The following PER2 variants were observed in gnomAD, a reference collection of about 807,000 sequenced individuals.
PER2 encodes the protein period circadian regulator 2.
In PER2, 66 loss-of-function variants were observed where a neutral mutation model predicts 121.0. That is an observed-to-expected ratio of 0.55 (90% CI 0.45 to 0.67). PER2 has a LOEUF of 0.67. Ranked by LOEUF, PER2 falls within the 30% of genes least tolerant of loss-of-function variation. The pLI is 0.00. For missense variants in PER2, 1,521 were observed against 1,635.0 expected, an observed-to-expected ratio of 0.93 and a Z score of 1.20; for synonymous variants, 684 against 659.9, an observed-to-expected ratio of 1.04 and a Z score of -0.56.
At chr2:238,278,187 A>G (rs1015668332) in intron 1 of PER2, among the ~76,000 whole-genome samples, 1 of 151,998 alleles carries the variant, frequency 6.6e-6, no homozygotes, top group Non-Finnish European at 1.5e-5. Flanking sequence ...CTCCCACCTC[A>G]GCCTCCAGGG....
chr2:238,279,373 G>A (rs145823757), intron 1 of PER2, among the ~76,000 whole-genome samples: 5 of 152,312 alleles, frequency 3.3e-5, no homozygotes, highest in Non-Finnish European at 5.9e-5. Flanking sequence ...GCAGGAGATC[G>A]TTCTACGGAG....
chr2:238,252,860 A>C lies in PER2; in HGVS notation c.3111+52T>G. On this transcript the variant is annotated intron_variant, in intron 19 of 22. Transcript: ENST00000254657. The surrounding 1 kb of genome is among the most constrained non-coding windows in gnomAD (Gnocchi z 4.2). ...ACTGAGGATGTGCGGCCGGCCTGCC[A>C]GGTGTGCTGTTTGCTGCCTGCTTTG... is the stretch of plus-strand genomic sequence containing the variant. 1 of 1,492,264 alleles carries C rather than the reference A, an allele frequency of 6.7e-7. No individual in the cohort carries two copies. The allele number at this position is 1,492,264 out of a possible 1,614,324, so 92.4% of individuals were successfully genotyped here. A position where few individuals can be genotyped will look rare whatever the true frequency, so the allele number is the denominator to read the frequency against.
chr2:238,290,883 A>G (rs1696939605), upstream of PER2, among the ~76,000 whole-genome samples: 1 of 152,200 alleles, frequency 6.6e-6, no homozygotes. Flanking sequence ...CCTCCATCCC[A>G]GCTCCAACAG....
At position 238,262,909 on chromosome 2, in the gene PER2, T is replaced by A. The variant is rs1695978843; in HGVS notation, c.1153+43A>T. 2.9e-6 allele frequency: 4 copies of A among 1,367,352 alleles called. No homozygotes were observed. The East Asian group carries it at 9.2e-5, about 31-fold the overall frequency. 84.7% of individuals were successfully genotyped at this position (1,367,352 alleles called of 1,614,324 possible). ...GAAGCAGCCCCAAGGACACAGGAAC[T>A]TCCGCCAAACACTTCAGGATGTACC... On this transcript the variant is annotated intron_variant, in intron 10 of 22. Transcript: ENST00000254657.
Position 238,275,184 on chromosome 2 carries a change from C to T in PER2, c.448+559G>A, listed in dbSNP as rs1168480009. ...TTTTTAATGTACAAGATCCACCAGC[C>T]CCTTAGTGCATGTGCGCAACACATG... On this transcript the variant is annotated intron_variant, in intron 4 of 22. Transcript: ENST00000254657. 2.0e-5 allele frequency among the ~76,000 whole-genome samples: 3 copies of T among 152,258 alleles called. No individual in the cohort carries two copies. The South Asian group carries it at 6.2e-4, about 32-fold the overall frequency.
rs1217251884 is a variant in PER2, at chr2:238,255,676, C to T, written c.2301G>A (p.Lys767=). Residue 767 remains lysine, a synonymous_variant, in exon 18 of 23, where the codon AAG becomes AAA. Transcript: ENST00000254657. ...ACTTACTTCGTTCACTTGGCTGCCC[C>T]TTGGATCTTTCTTGCAAGTAGTAAT... The part of the protein sequence containing the change: ...HCHYYLQERS[K]GQPSERTAPG... The T allele has an allele frequency of 6.2e-7, 1 of 1,614,242 alleles. No individual in the cohort carries two copies. The highest frequency in any genetic ancestry group is 1.1e-5 in the South Asian group (1 of 91,088).
intron 4 of PER2, among the ~76,000 whole-genome samples, chr2:238,274,729 G>C (rs879393104): frequency 2.3e-4 from 35 of 152,324 alleles, no homozygotes; most frequent in Non-Finnish European, 4.6e-4. Flanking sequence ...GCTCATCCCA[G>C]GGGCACCGGA....
At chr2:238,254,367 T>A (rs1695698669) in intron 18 of PER2, 1 of 154,476 alleles carries the variant, frequency 6.5e-6, no homozygotes, top group Non-Finnish European at 1.4e-5. Flanking sequence ...GAACTTTGGT[T>A]TTCCTCTCAC....
chr2:238,261,892 G>A, intron 11 of PER2, 55 bp from the exon 12 acceptor site: 1 of 1,254,708 alleles, frequency 8.0e-7, no homozygotes, highest in Non-Finnish European at 1.1e-6. Context: ...GACCTCTCTG[G>A]CGTGACTGTA....
intron 9 of PER2, among the ~76,000 whole-genome samples, chr2:238,263,670 C>T (rs1266795258): frequency 1.3e-5 from 2 of 152,088 alleles, no homozygotes; most frequent in East Asian, 3.9e-4. Flanking sequence ...TCTGCCGGCT[C>T]CACCGACCAT....
At chr2:238,281,389 T>C (rs996167196) in intron 1 of PER2, among the ~76,000 whole-genome samples, 8 of 152,320 alleles carry the variant, frequency 5.3e-5, no homozygotes, top group African/African-American at 1.2e-4. Flanking sequence ...GTGGGTTACA[T>C]AGCTGGTTTT....
chr2:238,260,248 C>T (rs900437263), intron 13 of PER2, among the ~76,000 whole-genome samples, 195 bp from the exon 14 acceptor site: 11 of 151,642 alleles, frequency 7.3e-5, no homozygotes, highest in African/African-American at 2.4e-4. Flanking sequence ...TAAAGCAAAA[C>T]GGCACATTAC....
intron 9 of PER2, 95 bp downstream of exon 9, chr2:238,265,417 A>T: frequency 1.3e-6 from 1 of 781,600 alleles, no homozygotes; most frequent in East Asian, 2.5e-5. Context: ...TTTGTCCATT[A>T]TCATGTAATT....
chr2:238,256,875 T>C, intron 17 of PER2, 47 bp downstream of exon 17: 3 of 1,584,002 alleles, frequency 1.9e-6, no homozygotes, highest in Non-Finnish European at 2.6e-6. Flanking sequence ...CTTGTTTTCA[T>C]GGTTAAAAAT....
intron 20 of PER2, 55 bp downstream of exon 20, chr2:238,251,544 A>G (rs1476050464): frequency 6.6e-7 from 1 of 1,504,524 alleles, no homozygotes; most frequent in Non-Finnish European, 9.2e-7. Context: ...ACTCTGGAGC[A>G]GTGCATCCTG....
chr2:238,298,167 T>C, the PER2 span, among the ~76,000 whole-genome samples: 2 of 151,938 alleles, frequency 1.3e-5, no homozygotes, highest in East Asian at 3.9e-4. Flanking sequence ...CCAGAGTAGC[T>C]GGGACTACAG....
upstream of PER2, among the ~76,000 whole-genome samples, chr2:238,294,275 G>C (rs1197861955): frequency 6.6e-6 from 1 of 152,206 alleles, no homozygotes; most frequent in Non-Finnish European, 1.5e-5. Context: ...GCCTCAGTGT[G>C]GTTCTGCCAG....
chr2:238,279,891 A>C (rs533904425), intron 1 of PER2, among the ~76,000 whole-genome samples: 97 of 152,028 alleles, frequency 6.4e-4, no homozygotes, highest in African/African-American at 2.1e-3. Flanking sequence ...GAGTCCAAAT[A>C]CCCCTGAGGA....
At chr2:238,286,310 G>A (rs183794456) in intron 1 of PER2, among the ~76,000 whole-genome samples, 1 of 152,108 alleles carries the variant, frequency 6.6e-6, no homozygotes, top group African/African-American at 2.4e-5. Flanking sequence ...AGGCCGGTGA[G>A]GGTTCAGCAC....
Sources: allele counts gnomAD v4.1 joint callset (sites outside exome capture counted in the v4.1 genomes callset), GRCh38; gene constraint gnomAD v4.1.1; non-coding constraint Gnocchi (gnomAD v3.1); transcripts MANE v1.5; gene names NCBI Gene and HGNC (gene_info 2026-07-23, HGNC 2026-07-21).